SCNN1G: variants seen among roughly 807,000 people sequenced by gnomAD.
The protein encoded by SCNN1G is sodium channel epithelial 1 subunit gamma.
In SCNN1G, 27 loss-of-function variants were observed where a neutral mutation model predicts 64.6. The ratio of observed to expected loss-of-function variants is 0.42; its 90% CI spans 0.31 to 0.58. SCNN1G has a LOEUF of 0.58. SCNN1G is among the 20% of genes least tolerant of loss of function. The pLI is 0.18. For synonymous variants in SCNN1G, 330 were observed against 314.2 expected (o/e 1.05, Z -0.53); for missense variants, 743 against 823.4 (o/e 0.90, Z 1.19).
chr16:23,201,198 CCCA>C (rs1202832170), intron 6 of SCNN1G, among the ~76,000 whole-genome samples: 1 of 152,190 alleles, frequency 6.6e-6, no homozygotes, highest in African/African-American at 2.4e-5. Flanking sequence ...TCAGACATGT[CCCA>C]CACACTTTTA....
At chr16:23,203,172 G>A (rs923569090) in intron 6 of SCNN1G, among the ~76,000 whole-genome samples, 6 of 152,196 alleles carry the variant, frequency 3.9e-5, no homozygotes, top group Admixed American at 6.5e-5. Context: ...AAGTACAGTC[G>A]AGAGGTCAGG....
intron 6 of SCNN1G, among the ~76,000 whole-genome samples, chr16:23,203,293 G>A (rs544192114): frequency 6.6e-6 from 1 of 152,266 alleles, no homozygotes; most frequent in Non-Finnish European, 1.5e-5. Context: ...AAGTGCAGTG[G>A]GTCGAATGGT....
intron 3 of SCNN1G, 112 bp downstream of exon 3, chr16:23,189,783 C>G: frequency 9.6e-7 from 1 of 1,046,546 alleles, no homozygotes; most frequent in Non-Finnish European, 1.5e-6. Flanking sequence ...GAAATACACC[C>G]AGCTGGGGTC....
intron 4 of SCNN1G, among the ~76,000 whole-genome samples, chr16:23,192,775 A>G (rs1315359918): frequency 6.6e-6 from 1 of 152,158 alleles, no homozygotes; most frequent in Non-Finnish European, 1.5e-5. Flanking sequence ...CTCATTAAAA[A>G]CAAGGTAGTT....
chr16:23,202,315 G>A (rs1054185684), intron 6 of SCNN1G, among the ~76,000 whole-genome samples: 31 of 151,610 alleles, frequency 2.0e-4, no homozygotes, highest in African/African-American at 7.5e-4. Context: ...TGGATGGATA[G>A]GTGAGTGGGT....
chr16:23,198,445 T>C (rs989253163), intron 6 of SCNN1G, among the ~76,000 whole-genome samples: 2 of 152,192 alleles, frequency 1.3e-5, no homozygotes, highest in Admixed American at 1.3e-4. Flanking sequence ...TAAGAACTTA[T>C]TTAGACCGGG....
Position 23,212,749 on chromosome 16 carries a change from G to A in SCNN1G, c.1366G>A (p.Ala456Thr). 2 of 1,614,090 alleles carry A rather than the reference G, an allele frequency of 1.2e-6. No homozygotes were observed. Among genetic ancestry groups the A allele is most frequent in the Non-Finnish European group, 8.5e-7 (1 of 1,179,940 alleles). Reference protein sequence around the residue: ...ELGCQSVCKEACSFKEWTLTT... With the variant: ...ELGCQSVCKETCSFKEWTLTT... ...GGGCTGCCAGTCTGTGTGCAAGGAA[G>A]CCTGCAGGTATGTGGACCCCAAGGG... is the stretch of plus-strand genomic sequence containing the variant. The change falls in exon 9 of 13, where the codon GCC becomes ACC. Residue 456 changes from alanine to threonine, a missense_variant. By Grantham distance (58) the Ala-to-Thr change is moderately conservative. Transcript: ENST00000300061.
At chr16:23,208,287 T>C (rs1029199870) in intron 6 of SCNN1G, among the ~76,000 whole-genome samples, 2 of 152,032 alleles carry the variant, frequency 1.3e-5, no homozygotes, top group Non-Finnish European at 2.9e-5. Flanking sequence ...GTAGAGGCTG[T>C]AGTGACCCTT....
chr16:23,204,314 T>TAC (rs1171535053), intron 6 of SCNN1G, among the ~76,000 whole-genome samples: 7 of 81,742 alleles, frequency 8.6e-5, no homozygotes, highest in African/African-American at 2.7e-4. Flanking sequence ...TATATATATA[T>TAC]ATATATATAT....
intron 1 of SCNN1G, among the ~76,000 whole-genome samples, chr16:23,183,772 A>G (rs925980365): frequency 2.6e-5 from 4 of 152,226 alleles, no homozygotes; most frequent in Non-Finnish European, 5.9e-5. Flanking sequence ...AAAGGGATCA[A>G]TAAGTGATAG....
At position 23,212,085 on chromosome 16, in the gene SCNN1G, G is replaced by C. The variant is rs1389546872; in HGVS notation, c.1228G>C (p.Ala410Pro). 6.2e-7 allele frequency: 1 copy of C among 1,614,052 alleles called. No homozygotes were observed. The highest frequency in any genetic ancestry group is 1.7e-5 in the Admixed American group (1 of 60,016). Residue 410 changes from alanine to proline, a missense_variant, in exon 8 of 13, where the codon GCC becomes CCC. Ala to Pro is a conservative substitution (Grantham distance 27). Coordinates refer to ENST00000300061, the MANE Select transcript of SCNN1G (RefSeq NM_001039.4). ...AAAGATGGTGGAGAAATGTGGGTGT[G>C]CCCAGTACAGCCAGCCTCTACCTCC... ...QTKMVEKCGC[A>P]QYSQPLPPAA...
In SCNN1G at chr16:23,186,360, G is replaced by A. The variant is rs1959605965; in HGVS notation, c.89G>A (p.Arg30Gln). 3.1e-6 allele frequency: 5 copies of A among 1,614,058 alleles called. No individual in the cohort carries two copies. The highest frequency in any genetic ancestry group is 1.3e-5 in the African/African-American group (1 of 74,938). Reference sequence around the variant, plus strand: ...GCGCCGACCATTAAAGAGCTGATGCGGTGGTACTGCCTCAACACCAACACC... The same window carrying A: ...GCGCCGACCATTAAAGAGCTGATGCAGTGGTACTGCCTCAACACCAACACC... Reference protein sequence around the residue: ...PQAPTIKELMRWYCLNTNTHG... With the variant: ...PQAPTIKELMQWYCLNTNTHG... The change falls in exon 2 of 13, where the codon CGG (arginine) becomes CAG (glutamine). Residue 30 changes from arginine (R) to glutamine (Q), a missense_variant. Coordinates refer to ENST00000300061, the MANE Select transcript of SCNN1G (RefSeq NM_001039.4).
intron 6 of SCNN1G, among the ~76,000 whole-genome samples, chr16:23,209,434 C>T (rs4260062): frequency 0.75 from 114,711 of 152,068 alleles, 43,874 homozygotes; most frequent in East Asian, 0.88. Flanking sequence ...TTCCCTACCC[C>T]ATTTCATTAA....
chr16:23,215,456 T>C lies in SCNN1G; in HGVS notation c.1937T>C (p.Leu646Pro). The change falls in exon 13 of 13, where the codon CTG (leucine) becomes CCG (proline). Residue 646 changes from leucine to proline, a missense_variant. Transcript: ENST00000300061. The stretch of plus-strand genomic sequence containing the variant: ...AACCAGCTCACAGATACCCAGATGC[T>C]GGATGAGCTCTGAGGCAGGGTTGAG... ...FSNQLTDTQM[L>P]DEL 1 of 1,610,784 alleles carries C rather than the reference T, an allele frequency of 6.2e-7. No individual in the cohort carries two copies. Among genetic ancestry groups the C allele is most frequent in the East Asian group, 2.2e-5 (1 of 44,880 alleles).
chr16:23,199,520 A>C (rs1430704665), intron 6 of SCNN1G, among the ~76,000 whole-genome samples: 2 of 152,166 alleles, frequency 1.3e-5, no homozygotes, highest in Non-Finnish European at 2.9e-5. Flanking sequence ...CACACCAGCA[A>C]TATGAGAGTA....
chr16:23,195,076 A>G (rs1959774648), intron 5 of SCNN1G: 1 of 152,096 alleles, frequency 6.6e-6, no homozygotes, highest in Non-Finnish European at 1.5e-5. Flanking sequence ...TCTGATCAGG[A>G]CATCAATCCT....
At chr16:23,193,951 G>A (rs1191525886) in intron 4 of SCNN1G, among the ~76,000 whole-genome samples, 2 of 129,348 alleles carry the variant, frequency 1.5e-5, no homozygotes, top group Admixed American at 7.7e-5. Context: ...AGAAGATTCC[G>A]AGAGAAAACA....
In SCNN1G at chr16:23,216,060, G is replaced by T. The variant is rs538477185; in HGVS notation, c.*591G>T. 12 of 165,924 alleles carry T rather than the reference G, an allele frequency of 7.2e-5. No individual in the cohort carries two copies. Among genetic ancestry groups the T allele is most frequent in the Non-Finnish European group, 1.2e-4 (9 of 76,054 alleles). The allele number at this position is 165,924 out of a possible 1,614,324, so 10.3% of individuals were successfully genotyped here. On this transcript the variant is annotated 3_prime_UTR_variant, in exon 13 of 13. Coordinates refer to ENST00000300061, the MANE Select transcript of SCNN1G (RefSeq NM_001039.4). The stretch of plus-strand genomic sequence containing the variant: ...GCCCAGAGCCCTTGGAGTGTTGGTG[G>T]AGATCAGAGTGCCGTGGTGGAGGTC...
At chr16:23,201,462 G>A (rs976598546) in intron 6 of SCNN1G, among the ~76,000 whole-genome samples, 1 of 151,716 alleles carries the variant, frequency 6.6e-6, no homozygotes, top group African/African-American at 2.4e-5. Flanking sequence ...TTAAGATGTA[G>A]AAAATCAAAG....
Sources: gnomAD v4.1 joint callset for allele counts (sites outside exome capture counted in the v4.1 genomes callset) on GRCh38, gnomAD v4.1.1 for gene constraint, MANE v1.5 for transcripts, NCBI Gene and HGNC (gene_info 2026-07-23, HGNC 2026-07-21) for gene names.